Variants in CDH11 observed in about 807,000 individuals in gnomAD.
CDH11 encodes cadherin 11.
A neutral mutation model predicts 67.8 loss-of-function variants in CDH11; 11 were observed. The observed-to-expected ratio is 0.16, with a 90% CI of 0.10 to 0.27. The LOEUF (loss-of-function observed/expected upper bound fraction) is 0.27, where lower values mean the gene tolerates loss of function less well. Among genes scored for constraint, CDH11 ranks in the 10% least tolerant of loss-of-function variants. The probability of loss-of-function intolerance (pLI) is 1.00; values close to 1 mark genes in which losing one functional copy is unlikely to be tolerated. For missense variants in CDH11, 847 were observed against 1,031.2 expected (o/e 0.82, Z 2.45); for synonymous variants, 419 against 400.0 (o/e 1.05, Z -0.57).
chr16:65,001,806 A>C (rs568038208), intron 3 of CDH11, among the ~76,000 whole-genome samples: 8 of 151,862 alleles, frequency 5.3e-5, no homozygotes, highest in Admixed American at 2.0e-4. Context: ...ACATTAAAAA[A>C]AAAAACAAAA....
intron 1 of CDH11, among the ~76,000 whole-genome samples, chr16:65,073,585 T>C (rs1169404159): frequency 6.6e-6 from 1 of 152,164 alleles, no homozygotes; most frequent in Non-Finnish European, 1.5e-5. Context: ...CACTTGGCCT[T>C]CCTTTTTAAT....
chr16:65,103,842 T>C (rs2075029155), intron 1 of CDH11, among the ~76,000 whole-genome samples: 1 of 152,192 alleles, frequency 6.6e-6, no homozygotes, highest in Non-Finnish European at 1.5e-5. Flanking sequence ...ACATTGATTA[T>C]AAACCAATAA....
rs1245565894 is a variant in CDH11, at chr16:65,121,960, C to A, written c.-378G>T. 4.6e-5 allele frequency: 32 copies of A among 701,676 alleles called. No individual in the cohort carries two copies. The allele number at this position is 701,676 out of a possible 1,614,324, so 43.5% of individuals were successfully genotyped here. On this transcript the variant is annotated 5_prime_UTR_variant, in exon 1 of 13. Coordinates refer to ENST00000268603, the MANE Select transcript of CDH11 (RefSeq NM_001797.4). The surrounding 1 kb of genome is among the most constrained non-coding windows in gnomAD (Gnocchi z 4.1). ...AAGCGCTGCGGTGTCAGTCCCGGCCCCAGTCCCGGTCCCATTCACAAGTCA... is the reference window on the plus strand; with the variant it reads ...AAGCGCTGCGGTGTCAGTCCCGGCCACAGTCCCGGTCCCATTCACAAGTCA...
intron 2 of CDH11, among the ~76,000 whole-genome samples, chr16:65,034,332 C>T (rs946616877): frequency 4.6e-5 from 7 of 152,176 alleles, no homozygotes; most frequent in Non-Finnish European, 7.3e-5. Flanking sequence ...CAATAAATGC[C>T]TGCTGCTTAA....
chr16:65,089,719 G>A (rs2074763111), intron 1 of CDH11, among the ~76,000 whole-genome samples: 1 of 152,100 alleles, frequency 6.6e-6, no homozygotes, highest in Non-Finnish European at 1.5e-5. Flanking sequence ...TTACATATTA[G>A]AAGTGGGTAG....
rs201823468 is a variant in CDH11 at position 65,011,092 on chromosome 16, ATT to A, written c.-172-6053_-172-6052del. 1.6e-3 allele frequency among the ~76,000 whole-genome samples: 200 copies of A among 124,022 alleles called. 1 individual carries two copies. The highest frequency in any genetic ancestry group is 4.1e-3 in the African/African-American group (128 of 31,364). The allele number at this position is 124,022 out of a possible 152,430, so 81.4% of individuals were successfully genotyped here. ...TATATATGTATATATACACACACAT[ATT>A]TTTTATATATATATATATACATACA... On this transcript the variant is annotated intron_variant, in intron 2 of 12. Transcript: ENST00000268603.
intron 11 of CDH11, among the ~76,000 whole-genome samples, chr16:64,967,114 C>A (rs1315087770): frequency 6.6e-6 from 1 of 152,066 alleles, no homozygotes; most frequent in Non-Finnish European, 1.5e-5. Flanking sequence ...GAAAATAAAA[C>A]CTCACCTGTT....
At chr16:65,012,273 T>C (rs1422984721) in intron 2 of CDH11, among the ~76,000 whole-genome samples, 2 of 152,208 alleles carry the variant, frequency 1.3e-5, no homozygotes, top group Admixed American at 6.5e-5. Flanking sequence ...GAGCTTCCAT[T>C]CCCACTTTGG....
Position 65,009,324 on chromosome 16 carries a change from A to G in CDH11, c.-172-4283T>C, listed in dbSNP as rs75006960. Among the ~76,000 whole-genome samples the G allele has an allele frequency of 5.3e-3, 809 of 152,328 alleles. 9 individuals are homozygous for G. The highest frequency in any genetic ancestry group is 0.018 in the African/African-American group (767 of 41,570). On this transcript the variant is annotated intron_variant, in intron 2 of 12. Transcript: ENST00000268603. ...GAACAAGAGGTAATTACATCAGTCC[A>G]TCAATAACCATCAATAACATAGTAT... is the stretch of plus-strand genomic sequence containing the variant.
At chr16:65,107,071 G>T (rs959273034) in intron 1 of CDH11, among the ~76,000 whole-genome samples, 21 of 152,062 alleles carry the variant, frequency 1.4e-4, no homozygotes, top group African/African-American at 3.6e-4. Flanking sequence ...CCTATGAAAG[G>T]CCCAGTCCCA....
At chr16:65,049,260 T>G (rs2074015615) in intron 2 of CDH11, among the ~76,000 whole-genome samples, 1 of 152,150 alleles carries the variant, frequency 6.6e-6, no homozygotes. Context: ...TAATAATAAT[T>G]GCCCTCCAAC....
At chr16:64,975,037 A>T (rs1281696176) in intron 8 of CDH11, among the ~76,000 whole-genome samples, 1 of 152,162 alleles carries the variant, frequency 6.6e-6, no homozygotes, top group Admixed American at 6.5e-5. Context: ...GCTTGTCTTG[A>T]ACAGCTGGGC....
chr16:65,085,726 G>C (rs544548944), intron 1 of CDH11, among the ~76,000 whole-genome samples: 2 of 152,320 alleles, frequency 1.3e-5, no homozygotes, highest in Admixed American at 1.3e-4. Flanking sequence ...GGAACTAAGA[G>C]TGAGGAAACT....
intron 1 of CDH11, among the ~76,000 whole-genome samples, chr16:65,105,392 T>C (rs1163136752): frequency 2.6e-5 from 4 of 152,128 alleles, no homozygotes; most frequent in African/African-American, 9.7e-5. Flanking sequence ...GGATCTAGCC[T>C]ACTGGATAAC....
At chr16:64,964,612 C>G (rs1020347540) in intron 11 of CDH11, among the ~76,000 whole-genome samples, 1 of 151,840 alleles carries the variant, frequency 6.6e-6, no homozygotes, top group Non-Finnish European at 1.5e-5. Flanking sequence ...GCAGTGGCCC[C>G]ATCTCGGCTC....
At chr16:65,107,108 C>T (rs567612814) in intron 1 of CDH11, among the ~76,000 whole-genome samples, 4 of 152,064 alleles carry the variant, frequency 2.6e-5, no homozygotes, top group African/African-American at 9.7e-5. Flanking sequence ...TTCCCGATGA[C>T]CAGTGGTAAG....
intron 2 of CDH11, among the ~76,000 whole-genome samples, chr16:65,031,137 G>T (rs778534664): frequency 6.6e-6 from 1 of 152,308 alleles, no homozygotes; most frequent in Admixed American, 6.5e-5. Flanking sequence ...CATGTACCAC[G>T]CTGGATTAGT....
chr16:65,107,982 A>G (rs867691274), intron 1 of CDH11, among the ~76,000 whole-genome samples: 4 of 152,230 alleles, frequency 2.6e-5, no homozygotes, highest in African/African-American at 9.6e-5. Flanking sequence ...GCAGCCTATT[A>G]GGGAAAATTT....
chr16:64,986,860 T>G (rs1226470054), intron 7 of CDH11: 1 of 152,050 alleles, frequency 6.6e-6, no homozygotes, highest in Non-Finnish European at 1.5e-5. Flanking sequence ...CCCAACATAC[T>G]TTAAAAGTCT....
Sources: gnomAD v4.1 joint callset for allele counts (sites outside exome capture counted in the v4.1 genomes callset) on GRCh38, gnomAD v4.1.1 for gene constraint, Gnocchi (gnomAD v3.1) non-coding constraint, MANE v1.5 for transcripts, NCBI Gene and HGNC (gene_info 2026-07-23, HGNC 2026-07-21) for gene names.